Variants in MITD1 observed in about 807,000 individuals in gnomAD.
The protein encoded by MITD1 is MIT domain-containing protein 1.
In MITD1, 24 loss-of-function variants were observed where a neutral mutation model predicts 34.9. The ratio of observed to expected loss-of-function variants is 0.69; its 90% CI spans 0.50 to 0.97. The LOEUF is 0.97. MITD1 is among the 50% of genes least tolerant of loss of function. The pLI, the probability that MITD1 is intolerant of heterozygous loss-of-function variation, is 0.00. For missense variants in MITD1, 266 were observed against 294.6 expected, an observed-to-expected ratio of 0.90 and a Z score of 0.71; for synonymous variants, 102 against 101.4, an observed-to-expected ratio of 1.01 and a Z score of -0.04.
chr2:99,172,869 C>A (rs1315190945), intron 2 of MITD1: 1 of 148,560 alleles, frequency 6.7e-6, no homozygotes. Context: ...GGCGACACAG[C>A]GAGACTCCGT....
intron 1 of MITD1, among the ~76,000 whole-genome samples, chr2:99,175,246 A>C (rs746633261): frequency 3.6e-4 from 55 of 152,190 alleles, no homozygotes; most frequent in Admixed American, 5.9e-4. Context: ...CAATTTTCCC[A>C]CTAATGAAAG....
chr2:99,180,852 GATCAATCCCCTCTTGGTAACAC>G lies in MITD1; in HGVS notation c.108_129del (p.Tyr38SerfsTer5). 6.2e-7 allele frequency: 1 copy of G among 1,614,154 alleles called. No individual in the cohort carries two copies. ...TCACCTTTCAGAACCTGCAGGAGCA[GATCAATCCCCTCTTGGTAACAC>G]ACCAGAGCCTGCGGATACCGCGACT... On this transcript the variant is annotated frameshift_variant, in exon 1 of 7. Transcript: ENST00000289359. LOFTEE classifies it high-confidence loss of function.
chr2:99,172,384 TAAA>T (rs61302679), intron 2 of MITD1: 2 of 132,620 alleles, frequency 1.5e-5, no homozygotes, highest in Non-Finnish European at 1.7e-5. Flanking sequence ...GACTCTGCCT[TAAA>T]AAAAAAAAAA....
intron 1 of MITD1, among the ~76,000 whole-genome samples, chr2:99,174,579 A>G (rs1360264092): frequency 6.6e-6 from 1 of 151,840 alleles, no homozygotes; most frequent in Non-Finnish European, 1.5e-5. Flanking sequence ...TATTTTCCAT[A>G]AATAATCTCA....
intron 1 of MITD1, 158 bp downstream of exon 1, chr2:99,180,669 AAAAG>A: frequency 1.5e-6 from 1 of 666,564 alleles, no homozygotes; most frequent in Non-Finnish European, 2.7e-6. Context: ...TTAAAGATCT[AAAAG>A]AAAGCGGCCC....
chr2:99,166,429 A>G (rs1354607477), downstream of MITD1, among the ~76,000 whole-genome samples: 3 of 149,550 alleles, frequency 2.0e-5, no homozygotes, highest in African/African-American at 7.4e-5. Context: ...TCAGTGGAGT[A>G]CCTGGGGCAG....
downstream of MITD1, among the ~76,000 whole-genome samples, chr2:99,166,783 T>C (rs1012233241): frequency 2.0e-5 from 3 of 149,754 alleles, no homozygotes; most frequent in East Asian, 1.9e-4. Flanking sequence ...GTTTTGTATA[T>C]TTACATGACC....
chr2:99,163,333 T>C (rs2093811694), intron 7 of MITD1, among the ~76,000 whole-genome samples: 1 of 152,140 alleles, frequency 6.6e-6, no homozygotes, highest in Non-Finnish European at 1.5e-5. Flanking sequence ...TTTATTTATT[T>C]CATTTATTTA....
At chr2:99,166,286 A>G (rs2093826343), downstream of MITD1, among the ~76,000 whole-genome samples, 1 of 151,974 alleles carries the variant, frequency 6.6e-6, no homozygotes, top group Admixed American at 6.6e-5. Flanking sequence ...GTGTTTCATG[A>G]AAGTCAAGAG....
At chr2:99,179,123 G>A (rs1347915542) in intron 1 of MITD1, among the ~76,000 whole-genome samples, 2 of 151,972 alleles carry the variant, frequency 1.3e-5, no homozygotes, top group African/African-American at 4.8e-5. Context: ...TTGCATTTTG[G>A]TCTTAACCCA....
rs774495110 is a variant in MITD1, at chr2:99,169,445, T to C, written c.680A>G (p.Asp227Gly). The change falls in exon 7 of 7, where the codon GAT becomes GGT. Residue 227 changes from aspartate to glycine, a missense_variant. Coordinates refer to ENST00000289359, the MANE Select transcript of MITD1 (RefSeq NM_138798.3). ...TTCATGACATGGTCTTAAATCAAAA[T>C]CACAATATCCAAGGGAAAAACGACT... ...PQSRFSLGYCDFDLRPCHETT... is the reference protein window; with the variant it reads ...PQSRFSLGYCGFDLRPCHETT... The C allele has an allele frequency of 6.7e-6, 8 of 1,200,458 alleles. No homozygotes were observed. The highest frequency in any genetic ancestry group is 9.5e-6 in the Non-Finnish European group (8 of 843,852). The allele number at this position is 1,200,458 out of a possible 1,614,324, so 74.4% of individuals were successfully genotyped here. A position where few individuals can be genotyped will look rare whatever the true frequency, so the allele number is the denominator to read the frequency against.
At chr2:99,180,762 C>T in intron 1 of MITD1, 69 bp downstream of exon 1, 1 of 1,352,320 alleles carries the variant, frequency 7.4e-7, no homozygotes, top group East Asian at 2.3e-5. Context: ...AACTCTTTCA[C>T]TTCACCCCAG....
In MITD1 at chr2:99,181,017, GAAGTT is replaced by G. The variant is rs752797073; in HGVS notation, c.-41_-37del. 2 of 1,598,372 alleles carry G rather than the reference GAAGTT, an allele frequency of 1.3e-6. No individual in the cohort carries two copies. Among genetic ancestry groups the G allele is most frequent in the South Asian group, 2.3e-5 (2 of 88,836 alleles). ...GTTCTCCTCCGCCTCAACCCAGGAT[GAAGTT>G]GAGCGGGTCTGCTGCGCTTCCGGGA... On this transcript the variant is annotated 5_prime_UTR_variant, in exon 1 of 7. Transcript: ENST00000289359.
At chr2:99,168,978 T>TTTTTTTTTG (rs70940146), downstream of MITD1, among the ~76,000 whole-genome samples, 12 of 103,064 alleles carry the variant, frequency 1.2e-4, 1 homozygote, top group East Asian at 7.2e-4. Context: ...TTTTTTTTTT[T>TTTTTTTTTG]CTGATACAGG....
chr2:99,171,783 C>G lies in MITD1; in HGVS notation c.254-137G>C. ...TATTCAGCAAATACTTATTGAATGC[C>G]TACTAAATATCATATACATTGCAGG... On this transcript the variant is annotated intron_variant, in intron 2 of 6. Transcript: ENST00000289359. 3 of 770,084 alleles carry G rather than the reference C, an allele frequency of 3.9e-6. No individual in the cohort carries two copies. In the South Asian group the frequency reaches 5.7e-5, roughly 15 times the overall value. 47.7% of individuals were successfully genotyped at this position (770,084 alleles called of 1,614,324 possible).
At chr2:99,166,858 AATATATATATATATATATAT>A (rs10584187), downstream of MITD1, among the ~76,000 whole-genome samples, 77 of 115,402 alleles carry the variant, frequency 6.7e-4, no homozygotes, top group East Asian at 5.0e-3. Context: ...TGGGGTTTTA[AATATATATATATATATATAT>A]ATATATATAT....
chr2:99,176,534 T>C (rs1187561915), intron 1 of MITD1, among the ~76,000 whole-genome samples: 1 of 149,242 alleles, frequency 6.7e-6, no homozygotes, highest in Non-Finnish European at 1.5e-5. Context: ...GCCATGTTGG[T>C]CAGGCTGGTC....
chr2:99,169,042 CCTCCTGGACTTAAAA>C (rs2093840629), downstream of MITD1, among the ~76,000 whole-genome samples: 2 of 144,244 alleles, frequency 1.4e-5, no homozygotes, highest in South Asian at 4.4e-4. Context: ...GGTGTCTTTC[CCTCCTGGACTTAAAA>C]CTCCCACAGG....
In MITD1 at chr2:99,169,355, A is replaced by G. The variant is rs182220841; in HGVS notation, c.*20T>C. ...AATATTCACTTAAAGTAGACATAATACAAATTAGGCTACCACCCATCATAT... is the reference window on the plus strand; with the variant it reads ...AATATTCACTTAAAGTAGACATAATGCAAATTAGGCTACCACCCATCATAT... On this transcript the variant is annotated 3_prime_UTR_variant, in exon 7 of 7. Transcript: ENST00000289359. 5.5e-3 allele frequency: 6,851 copies of G among 1,254,464 alleles called. 34 individuals are homozygous for G. The highest frequency in any genetic ancestry group is 6.6e-3 in the Non-Finnish European group (5,784 of 871,652). 77.7% of individuals were successfully genotyped at this position (1,254,464 alleles called of 1,614,324 possible).
Sources: allele counts gnomAD v4.1 joint callset (sites outside exome capture counted in the v4.1 genomes callset), GRCh38; gene constraint gnomAD v4.1.1; transcripts MANE v1.5; gene names NCBI Gene and HGNC (gene_info 2026-07-23, HGNC 2026-07-21).